The following GBE1 variants were observed in gnomAD, a reference collection of about 807,000 sequenced individuals.
The protein encoded by GBE1 is 1,4-alpha-glucan branching enzyme 1.
Under a neutral mutation model 88.8 loss-of-function variants are expected in GBE1, and 70 were observed. The observed-to-expected ratio is 0.79, with a 90% CI of 0.65 to 0.96. The LOEUF (loss-of-function observed/expected upper bound fraction) is 0.96. Among genes scored for constraint, GBE1 ranks in the 40% least tolerant of loss-of-function variants. The pLI is 0.00. For missense variants in GBE1, 872 were observed against 871.0 expected (o/e 1.00, Z -0.01); for synonymous variants, 284 against 300.1 (o/e 0.95, Z 0.56).
In GBE1 at chr3:81,655,539, G is replaced by A. The variant is rs1055347068; in HGVS notation, c.430-5618C>T. Among the ~76,000 whole-genome samples, 3 of 149,114 alleles carry A rather than the reference G, an allele frequency of 2.0e-5. No individual in the cohort carries two copies. The South Asian group carries it at 6.3e-4, about 31-fold the overall frequency. On this transcript the variant is annotated intron_variant, in intron 3 of 15. Coordinates refer to ENST00000429644, the MANE Select transcript of GBE1 (RefSeq NM_000158.4). ...TTGTTGTTGTTGTTGTTGTTGTTAT[G>A]GAGTTTTACTCTTGTCGCCCAGGCT...
chr3:81,597,941 A>C (rs1176612454), intron 7 of GBE1, among the ~76,000 whole-genome samples: 3 of 151,956 alleles, frequency 2.0e-5, no homozygotes, highest in Non-Finnish European at 2.9e-5. Context: ...GTTTTTAGGA[A>C]ATATCCCTAA....
chr3:81,696,006 A>G (rs930136593), intron 2 of GBE1, among the ~76,000 whole-genome samples: 23 of 152,222 alleles, frequency 1.5e-4, no homozygotes, highest in African/African-American at 2.4e-5. Flanking sequence ...GGCAAGCTAT[A>G]ATACAAAGAA....
chr3:81,730,585 C>T (rs929456511), intron 1 of GBE1, among the ~76,000 whole-genome samples: 52 of 152,148 alleles, frequency 3.4e-4, no homozygotes, highest in African/African-American at 8.9e-4. Flanking sequence ...GTCACTGAAG[C>T]GTGGAAAGAA....
At chr3:81,612,092 C>T (rs181064041) in intron 7 of GBE1, 13 of 264,680 alleles carry the variant, frequency 4.9e-5, no homozygotes, top group East Asian at 1.9e-4. Flanking sequence ...AGTTTAAGAG[C>T]GCAAACTTTC....
intron 14 of GBE1, among the ~76,000 whole-genome samples, chr3:81,527,223 G>T (rs2106856638): frequency 6.6e-6 from 1 of 152,186 alleles, no homozygotes. Flanking sequence ...ATTAATTCAA[G>T]ATGGATTAAA....
intron 14 of GBE1, among the ~76,000 whole-genome samples, chr3:81,510,986 G>A (rs1426313192): frequency 6.6e-6 from 1 of 151,846 alleles, no homozygotes; most frequent in Non-Finnish European, 1.5e-5. Context: ...CATCTCACAA[G>A]GTATATGTAT....
chr3:81,686,387 C>A (rs1465735360), intron 2 of GBE1, among the ~76,000 whole-genome samples: 3 of 152,034 alleles, frequency 2.0e-5, no homozygotes, highest in Non-Finnish European at 2.9e-5. Context: ...ACATGGGGTC[C>A]TAACATCTAC....
chr3:81,573,775 C>CTGTGTGTGTGTG (rs61048893), intron 12 of GBE1, among the ~76,000 whole-genome samples: 1 of 148,788 alleles, frequency 6.7e-6, no homozygotes, highest in South Asian at 2.1e-4. Flanking sequence ...CTCTCTCTCT[C>CTGTGTGTGTGTG]TGTGTGTGTG....
At chr3:81,564,850 T>C (rs1445612932) in intron 12 of GBE1, among the ~76,000 whole-genome samples, 2 of 152,144 alleles carry the variant, frequency 1.3e-5, no homozygotes, top group Admixed American at 6.6e-5. Flanking sequence ...CTTCCATCAG[T>C]GGATCTCTAT....
At chr3:81,694,626 A>T (rs1239719149) in intron 2 of GBE1, among the ~76,000 whole-genome samples, 2 of 152,206 alleles carry the variant, frequency 1.3e-5, no homozygotes, top group African/African-American at 2.4e-5. Flanking sequence ...GGATGAGTGA[A>T]AGGATCATAG....
intron 2 of GBE1, among the ~76,000 whole-genome samples, chr3:81,673,629 C>T (rs1460301616): frequency 6.6e-6 from 1 of 151,786 alleles, no homozygotes; most frequent in Non-Finnish European, 1.5e-5. Context: ...AGCTTGGTAT[C>T]AACTATTGTT....
chr3:81,567,403 T>A (rs1703508267), intron 12 of GBE1, among the ~76,000 whole-genome samples: 1 of 152,230 alleles, frequency 6.6e-6, no homozygotes, highest in Non-Finnish European at 1.5e-5. Context: ...ACCTCATTAG[T>A]ATCATGGCTC....
At chr3:81,744,256 G>C (rs1706392584) in intron 1 of GBE1, among the ~76,000 whole-genome samples, 1 of 149,490 alleles carries the variant, frequency 6.7e-6, no homozygotes, top group Admixed American at 6.7e-5. Flanking sequence ...CAAAGACTTA[G>C]TACAAACGAC....
intron 7 of GBE1, among the ~76,000 whole-genome samples, chr3:81,596,004 TAA>T (rs942992361): frequency 6.6e-6 from 1 of 151,970 alleles, no homozygotes; most frequent in African/African-American, 2.4e-5. Context: ...CTGAAAATCA[TAA>T]AGTCTTTTAA....
intron 3 of GBE1, among the ~76,000 whole-genome samples, chr3:81,653,289 C>A (rs914133694): frequency 6.6e-6 from 1 of 151,962 alleles, no homozygotes; most frequent in African/African-American, 2.4e-5. Context: ...CATAAGGAGA[C>A]CTGGTCTCTA....
Position 81,605,161 on chromosome 3 carries a change from AC to A in GBE1, c.993-11139del, listed in dbSNP as rs1393384912. 4.6e-5 allele frequency among the ~76,000 whole-genome samples: 7 copies of A among 152,316 alleles called. No homozygotes were observed. The East Asian group carries it at 9.6e-4, about 21-fold the overall frequency. Reference sequence around the variant, plus strand: ...ACAACAAAAGGAAGAAACCAAAAAAACATCAATATCCTTAAGGAATCATCAG... The same window carrying A: ...ACAACAAAAGGAAGAAACCAAAAAAAATCAATATCCTTAAGGAATCATCAG... On this transcript the variant is annotated intron_variant, in intron 7 of 15. Transcript: ENST00000429644.
chr3:81,681,768 A>G (rs1705348173), intron 2 of GBE1, among the ~76,000 whole-genome samples: 1 of 152,214 alleles, frequency 6.6e-6, no homozygotes, highest in South Asian at 2.1e-4. Context: ...TCCACATAAA[A>G]AAAGAATAAA....
At chr3:81,507,176 G>C (rs995346410) in intron 14 of GBE1, among the ~76,000 whole-genome samples, 1 of 148,012 alleles carries the variant, frequency 6.8e-6, no homozygotes, top group Non-Finnish European at 1.5e-5. Context: ...TATCCAGTTA[G>C]TTTTTTTTTT....
chr3:81,655,075 A>G (rs560787344), intron 3 of GBE1: 2 of 152,186 alleles, frequency 1.3e-5, no homozygotes, highest in African/African-American at 2.4e-5. Context: ...AAATATTAAA[A>G]TATTTTTATT....
Sources: gnomAD v4.1 joint callset for allele counts (sites outside exome capture counted in the v4.1 genomes callset) on GRCh38, gnomAD v4.1.1 for gene constraint, MANE v1.5 for transcripts, NCBI Gene and HGNC (gene_info 2026-07-23, HGNC 2026-07-21) for gene names.